PCDH15: variants seen among roughly 807,000 people sequenced by gnomAD.
The protein encoded by PCDH15 is protocadherin-15.
Under a neutral mutation model 178.5 loss-of-function variants are expected in PCDH15, and 129 were observed. The ratio of observed to expected loss-of-function variants is 0.72; its 90% confidence interval spans 0.63 to 0.84. The LOEUF (loss-of-function observed/expected upper bound fraction) is 0.84, where lower values mean the gene tolerates loss of function less well. PCDH15 is among the 40% of genes least tolerant of loss of function. The pLI is 0.00. For synonymous variants in PCDH15, 800 were observed against 732.0 expected (o/e 1.09, Z -1.50); for missense variants, 2,230 against 2,099.9 (o/e 1.06, Z -1.21).
chr10:54,937,731 C>A (rs148856472), intron 2 of PCDH15, among the ~76,000 whole-genome samples: 37 of 152,060 alleles, frequency 2.4e-4, no homozygotes, highest in African/African-American at 7.9e-4. Flanking sequence ...ATTACTACTA[C>A]AGAAAATAAT....
At chr10:53,979,737 CAT>C (rs965607308) in intron 21 of PCDH15, among the ~76,000 whole-genome samples, 7 of 152,134 alleles carry the variant, frequency 4.6e-5, no homozygotes, top group Middle Eastern at 3.2e-3. Context: ...GAAAAGGAAA[CAT>C]GTGGTGCTAT....
At chr10:53,808,330 G>GTGTATATATA (rs1554815344) in intron 37 of PCDH15, 1 of 201,310 alleles carries the variant, frequency 5.0e-6, no homozygotes, top group African/African-American at 2.6e-5. Flanking sequence ...GTGTGTGTGT[G>GTGTATATATA]TATATATATA....
At chr10:55,277,091 G>C (rs1165437165) in intron 1 of PCDH15, among the ~76,000 whole-genome samples, 1 of 151,980 alleles carries the variant, frequency 6.6e-6, no homozygotes, top group Non-Finnish European at 1.5e-5. Context: ...CTCCTACCTA[G>C]ATTAGCATTC....
intron 1 of PCDH15, among the ~76,000 whole-genome samples, chr10:54,676,912 C>A (rs1178124328): frequency 2.0e-5 from 3 of 152,130 alleles, no homozygotes; most frequent in Non-Finnish European, 4.4e-5. Context: ...AATCTTAAGA[C>A]TAGAAACTCA....
chr10:54,745,899 T>A (rs2132883240), intron 1 of PCDH15, among the ~76,000 whole-genome samples: 1 of 152,286 alleles, frequency 6.6e-6, no homozygotes, highest in East Asian at 1.9e-4. Context: ...ATTAGATATT[T>A]TCTTGAAGAT....
upstream of PCDH15, among the ~76,000 whole-genome samples, chr10:54,805,034 T>C (rs1952757584): frequency 6.8e-6 from 1 of 147,872 alleles, no homozygotes; most frequent in Admixed American, 6.9e-5. Context: ...CTCTGGCAAA[T>C]GTATATATTA....
chr10:55,073,079 G>T (rs1841794558), intron 2 of PCDH15, among the ~76,000 whole-genome samples: 1 of 152,056 alleles, frequency 6.6e-6, no homozygotes, highest in Admixed American at 6.6e-5. Context: ...CAATAAATTA[G>T]GTATTGATGG....
At position 55,188,984 on chromosome 10, in the gene PCDH15, T is replaced by A. The variant is rs1345550282; in HGVS notation, c.-155-22333A>T. On this transcript the variant is annotated intron_variant, in intron 1 of 5. Transcript: ENST00000458638. ...AAAAAATAAAAAAGAGAAAAATAAT[T>A]ATTCATATCAGATGAGCTTTTCATA... 2.0e-5 allele frequency among the ~76,000 whole-genome samples: 3 copies of A among 151,918 alleles called. No individual in the cohort carries two copies. In the Admixed American group the frequency reaches 2.0e-4, roughly 10 times the overall value.
At chr10:55,236,780 T>C (rs1564919662) in intron 1 of PCDH15, among the ~76,000 whole-genome samples, 2 of 151,950 alleles carry the variant, frequency 1.3e-5, no homozygotes. Context: ...ATTAAGAACA[T>C]TATATTTATA....
In PCDH15 at chr10:55,412,591, T is replaced by G. The variant is rs146613268; in HGVS notation, c.-156+215034A>C. On this transcript the variant is annotated intron_variant, in intron 2 of 5. Coordinates refer to the PCDH15 transcript ENST00000613346. ...AAAGTATTAGGGAGATCAAATTATA[T>G]AAAGAATGGCTAAAGTATAAGGTAG... Among the ~76,000 whole-genome samples, 13 of 151,948 alleles carry G rather than the reference T, an allele frequency of 8.6e-5. No individual in the cohort carries two copies. In the East Asian group the frequency reaches 2.3e-3, roughly 27 times the overall value.
In PCDH15 at chr10:54,766,725, A is replaced by C. The variant is rs182998955; in HGVS notation, c.-29+34200T>G. Among the ~76,000 whole-genome samples, 1,124 of 151,900 alleles carry C rather than the reference A, an allele frequency of 7.4e-3. 13 individuals carry two copies. The highest frequency in any genetic ancestry group is 0.025 in the African/African-American group (1,029 of 41,432). ...CGGGCGGATCACAAGATCAGGAGAT[A>C]GAGACCATCCTGGCTAACACGGTGA... On this transcript the variant is annotated intron_variant, in intron 1 of 37. Coordinates refer to ENST00000644397, the MANE Select transcript of PCDH15 (RefSeq NM_001384140.1).
chr10:54,364,577 C>T (rs200022164), intron 5 of PCDH15, among the ~76,000 whole-genome samples: 6 of 152,050 alleles, frequency 3.9e-5, no homozygotes, highest in African/African-American at 9.7e-5. Context: ...AGGTCAATTT[C>T]GCTGATTTCA....
At chr10:55,362,627 C>A (rs968539648) in intron 2 of PCDH15, among the ~76,000 whole-genome samples, 7 of 151,962 alleles carry the variant, frequency 4.6e-5, no homozygotes, top group Non-Finnish European at 1.0e-4. Context: ...CAGAATTCAT[C>A]ACTTTTACAT....
intron 3 of PCDH15, among the ~76,000 whole-genome samples, chr10:54,474,007 T>C (rs2078099477): frequency 6.6e-6 from 1 of 151,980 alleles, no homozygotes; most frequent in East Asian, 1.9e-4. Context: ...CATATACATC[T>C]TTTAAACAAT....
At chr10:54,569,357 T>C (rs929960100) in intron 2 of PCDH15, among the ~76,000 whole-genome samples, 1 of 152,186 alleles carries the variant, frequency 6.6e-6, no homozygotes, top group Non-Finnish European at 1.5e-5. Context: ...TGCTTAATGG[T>C]CATAGAAATG....
chr10:54,717,460 A>T (rs2095494965), intron 1 of PCDH15, among the ~76,000 whole-genome samples: 1 of 145,778 alleles, frequency 6.9e-6, no homozygotes, highest in African/African-American at 2.6e-5. Context: ...GGACATGAAC[A>T]GACACTTCCC....
chr10:53,824,192 C>G (rs537554519), intron 32 of PCDH15, among the ~76,000 whole-genome samples: 1 of 151,800 alleles, frequency 6.6e-6, no homozygotes, highest in African/African-American at 2.4e-5. Flanking sequence ...TACTTATGCA[C>G]GGAAACTGAA....
rs572551007 is a variant in PCDH15, at chr10:54,315,181, C to T, written c.876+2090G>A. Among the ~76,000 whole-genome samples, 5 of 152,282 alleles carry T rather than the reference C, an allele frequency of 3.3e-5. No individual in the cohort carries two copies. In the East Asian group the frequency reaches 7.7e-4, roughly 24 times the overall value. On this transcript the variant is annotated intron_variant, in intron 8 of 37. Coordinates refer to ENST00000644397, the MANE Select transcript of PCDH15 (RefSeq NM_001384140.1). ...GTGTATAAGTGTTCCCTTTTCTCTG[C>T]AACCTTGCCAGCATCTGTTATTTTT...
chr10:54,327,236 A>G (rs1419757510), intron 7 of PCDH15, among the ~76,000 whole-genome samples: 3 of 151,966 alleles, frequency 2.0e-5, no homozygotes, highest in Non-Finnish European at 4.4e-5. Flanking sequence ...ATCTGACTTC[A>G]TAAAAAAGAC....
Sources: allele counts gnomAD v4.1 joint callset (sites outside exome capture counted in the v4.1 genomes callset), GRCh38; gene constraint gnomAD v4.1.1; transcripts MANE v1.5; gene names NCBI Gene and HGNC (gene_info 2026-07-23, HGNC 2026-07-21).